VANGL2: variants seen among roughly 807,000 people sequenced by gnomAD.
VANGL2 encodes vang-like protein 2.
A neutral mutation model predicts 50.2 loss-of-function variants in VANGL2; 14 were observed. The ratio of observed to expected loss-of-function variants is 0.28; its 90% CI spans 0.18 to 0.44. VANGL2 has a LOEUF of 0.44. Ranked by LOEUF, VANGL2 falls within the 20% of genes least tolerant of loss-of-function variation. The pLI, the probability that VANGL2 is intolerant of heterozygous loss-of-function variation, is 1.00. For missense variants in VANGL2, 533 were observed against 701.5 expected (o/e 0.76, Z 2.71); for synonymous variants, 295 against 297.2 (o/e 0.99, Z 0.08).
At chr1:160,402,626 A>G (rs1306864529) in intron 1 of VANGL2, among the ~76,000 whole-genome samples, 1 of 151,992 alleles carries the variant, frequency 6.6e-6, no homozygotes, top group Non-Finnish European at 1.5e-5. Flanking sequence ...CATGATTGAG[A>G]TGGAGCTGTG....
intron 1 of VANGL2, among the ~76,000 whole-genome samples, chr1:160,401,790 G>A (rs1174651718): frequency 6.6e-6 from 1 of 152,078 alleles, no homozygotes; most frequent in Non-Finnish European, 1.5e-5. Context: ...AGGTACTGAG[G>A]AAGGTGGGTG....
chr1:160,419,442 C>T lies in VANGL2; in HGVS notation c.633C>T (p.Ser211=), dbSNP rs1330203888. 6.2e-7 allele frequency: 1 copy of T among 1,611,000 alleles called. No individual in the cohort carries two copies. Among genetic ancestry groups the T allele is most frequent in the Non-Finnish European group, 8.5e-7 (1 of 1,180,010 alleles). The change falls in exon 4 of 8, where the codon AGC becomes AGT. Residue 211 remains serine, a synonymous_variant. Coordinates refer to ENST00000368061, the MANE Select transcript of VANGL2 (RefSeq NM_020335.3). This position sits in a 1 kb window ranked among gnomAD's most constrained non-coding sequence, Gnocchi z 5.8. ...GCATCCTGGATGCTCGGGAGCGCAGCTACCAGGGCGTGGTGCAGTTCGCCG... is the reference window on the plus strand; with the variant it reads ...GCATCCTGGATGCTCGGGAGCGCAGTTACCAGGGCGTGGTGCAGTTCGCCG... ...GVRILDARER[S]YQGVVQFAVS... is the part of the protein sequence containing the mutation.
chr1:160,403,876 T>C (rs1485269697), intron 1 of VANGL2, among the ~76,000 whole-genome samples: 1 of 152,240 alleles, frequency 6.6e-6, no homozygotes, highest in African/African-American at 2.4e-5. Flanking sequence ...AGTGGCTTTC[T>C]TCCCTGGTTT....
chr1:160,411,053 A>T (rs1188024434), intron 1 of VANGL2, among the ~76,000 whole-genome samples: 1 of 147,172 alleles, frequency 6.8e-6, no homozygotes, highest in Admixed American at 6.8e-5. Flanking sequence ...TCCCCTTGGG[A>T]TGATACTGAG....
In VANGL2 at chr1:160,426,203, C is replaced by T. The variant is rs1651449096; in HGVS notation, c.*825C>T. The T allele has an allele frequency of 6.6e-6, 1 of 152,616 alleles. No homozygotes were observed. The highest frequency in any genetic ancestry group is 2.4e-5 in the African/African-American group (1 of 41,416). The allele number at this position is 152,616 out of a possible 1,614,324, so 9.5% of individuals were successfully genotyped here. On this transcript the variant is annotated 3_prime_UTR_variant, in exon 8 of 8. Coordinates refer to ENST00000368061, the MANE Select transcript of VANGL2 (RefSeq NM_020335.3). ...GTTTTGGAGAGACCCCCATCACTGA[C>T]TCCTGCTCCCTAACCCTACCCTCAC...
intron 3 of VANGL2, among the ~76,000 whole-genome samples, chr1:160,417,083 G>A (rs1466275012): frequency 6.6e-6 from 1 of 152,154 alleles, no homozygotes; most frequent in Non-Finnish European, 1.5e-5. Context: ...CTGCTACTGG[G>A]GAGGAGATCC....
chr1:160,408,308 T>C (rs942569031), intron 1 of VANGL2, among the ~76,000 whole-genome samples: 2 of 151,658 alleles, frequency 1.3e-5, no homozygotes, highest in South Asian at 4.2e-4. Context: ...TATGGGTGGG[T>C]ATTTTGGTGT....
intron 1 of VANGL2, among the ~76,000 whole-genome samples, chr1:160,407,231 G>A (rs186629278): frequency 3.5e-4 from 54 of 152,312 alleles, no homozygotes; most frequent in African/African-American, 1.2e-3. Flanking sequence ...TCTCAGGTAG[G>A]GGGGTGGTCG....
At chr1:160,416,314 G>T in intron 3 of VANGL2, 132 bp downstream of exon 3, 12 of 1,481,910 alleles carry the variant, frequency 8.1e-6, no homozygotes, top group Non-Finnish European at 1.1e-5. Flanking sequence ...AGTGTGTTTT[G>T]TGTTACACTT....
Position 160,425,423 on chromosome 1 carries a change from G to A in VANGL2, c.*45G>A, listed in dbSNP as rs770485421. The A allele has an allele frequency of 7.7e-7, 1 of 1,298,548 alleles. No individual in the cohort carries two copies. The highest frequency in any genetic ancestry group is 1.0e-6 in the Non-Finnish European group (1 of 953,632). 80.4% of individuals were successfully genotyped at this position (1,298,548 alleles called of 1,614,324 possible). ...GTGGGAAACTCTGGGGGGTCCTGAGGGGGTGGGAGGGGGCTTGGTTCTCAG... is the reference window on the plus strand; with the variant it reads ...GTGGGAAACTCTGGGGGGTCCTGAGAGGGTGGGAGGGGGCTTGGTTCTCAG... On this transcript the variant is annotated 3_prime_UTR_variant, in exon 8 of 8. Coordinates refer to ENST00000368061, the MANE Select transcript of VANGL2 (RefSeq NM_020335.3).
intron 1 of VANGL2, among the ~76,000 whole-genome samples, chr1:160,411,879 T>G (rs928173980): frequency 2.0e-5 from 3 of 152,104 alleles, no homozygotes; most frequent in Admixed American, 6.6e-5. Context: ...TGTGTGTGTG[T>G]GTATGTGTGA....
At chr1:160,412,762 C>A (rs1650925204) in intron 1 of VANGL2, among the ~76,000 whole-genome samples, 1 of 152,192 alleles carries the variant, frequency 6.6e-6, no homozygotes, top group Non-Finnish European at 1.5e-5. Flanking sequence ...ATGCTTTCAT[C>A]TCCCTACAGT....
intron 3 of VANGL2, among the ~76,000 whole-genome samples, chr1:160,417,113 G>A (rs963047325): frequency 2.6e-5 from 4 of 152,312 alleles, no homozygotes; most frequent in Middle Eastern, 3.4e-3. Flanking sequence ...GGTCCTTGGA[G>A]GGGGTGGGCA....
Position 160,425,672 on chromosome 1 carries a change from C to T in VANGL2, c.*294C>T, listed in dbSNP as rs1332992141. 1 of 348,074 alleles carries T rather than the reference C, an allele frequency of 2.9e-6. No homozygotes were observed. The highest frequency in any genetic ancestry group is 4.3e-5 in the Admixed American group (1 of 23,108). 21.6% of individuals were successfully genotyped at this position (348,074 alleles called of 1,614,324 possible). ...CAGTGCCTCTCTCCCTCTTCTTTCC[C>T]TAGTCTTTTCCCAGATTACAGTCTC... On this transcript the variant is annotated 3_prime_UTR_variant, in exon 8 of 8. Coordinates refer to ENST00000368061, the MANE Select transcript of VANGL2 (RefSeq NM_020335.3).
intron 6 of VANGL2, among the ~76,000 whole-genome samples, chr1:160,421,888 C>T (rs1651287876): frequency 6.6e-6 from 1 of 152,180 alleles, no homozygotes. Flanking sequence ...CCAGATGGTG[C>T]TTTTGTTGCC....
rs779500903 is a variant in VANGL2 at position 160,415,826 on chromosome 1, C to T, written c.-12C>T. 49 of 1,611,636 alleles carry T rather than the reference C, an allele frequency of 3.0e-5. No individual in the cohort carries two copies. Among genetic ancestry groups the T allele is most frequent in the South Asian group, 3.0e-4 (27 of 90,514 alleles). ...GGCCCTGGAGCGCTACAAGGCGCGGCGTTCAGACGCCATGGACACCGAGTC... is the reference window on the plus strand; with the variant it reads ...GGCCCTGGAGCGCTACAAGGCGCGGTGTTCAGACGCCATGGACACCGAGTC... On this transcript the variant is annotated 5_prime_UTR_variant, in exon 2 of 8. Transcript: ENST00000368061.
intron 1 of VANGL2, among the ~76,000 whole-genome samples, chr1:160,412,426 AC>A (rs1376089723): frequency 6.6e-6 from 1 of 152,278 alleles, no homozygotes; most frequent in African/African-American, 2.4e-5. Flanking sequence ...TATGAAGAAG[AC>A]TAGAAAGAAT....
intron 1 of VANGL2, 32 bp downstream of exon 1, chr1:160,400,901 G>A (rs1203890886): frequency 6.6e-6 from 1 of 151,838 alleles, no homozygotes; most frequent in Non-Finnish European, 1.5e-5. Flanking sequence ...CGCGGGCAAA[G>A]TTTGAAAAAA....
At chr1:160,410,024 C>T (rs1410308568) in intron 1 of VANGL2, among the ~76,000 whole-genome samples, 8 of 152,274 alleles carry the variant, frequency 5.3e-5, no homozygotes, top group Middle Eastern at 3.4e-3. Flanking sequence ...GAGTAGGAAT[C>T]GGAGACCTTT....
Sources: allele counts gnomAD v4.1 joint callset (sites outside exome capture counted in the v4.1 genomes callset), GRCh38; gene constraint gnomAD v4.1.1; non-coding constraint Gnocchi (gnomAD v3.1); transcripts MANE v1.5; gene names NCBI Gene and HGNC (gene_info 2026-07-23, HGNC 2026-07-21).